Variants in FRAS1 observed in about 807,000 individuals in gnomAD.
FRAS1 encodes the protein extracellular matrix organizing protein FRAS1.
Under a neutral mutation model 435.2 loss-of-function variants are expected in FRAS1, and 290 were observed. The observed-to-expected ratio is 0.67, with a 90% CI of 0.61 to 0.73. The LOEUF (loss-of-function observed/expected upper bound fraction) is 0.73, where lower values mean the gene tolerates loss of function less well. Among genes scored for constraint, FRAS1 ranks in the 30% least tolerant of loss-of-function variants. The pLI is 0.00. For synonymous variants in FRAS1, 1,800 were observed against 1,851.0 expected (o/e 0.97, Z 0.71); for missense variants, 4,860 against 5,001.5 (o/e 0.97, Z 0.85).
At chr4:78,423,393 C>T (rs991124309) in intron 34 of FRAS1, among the ~76,000 whole-genome samples, 1 of 151,978 alleles carries the variant, frequency 6.6e-6, no homozygotes, top group Admixed American at 6.5e-5. Flanking sequence ...TCTTGAACTC[C>T]TGACCTCGTG....
intron 2 of FRAS1, among the ~76,000 whole-genome samples, chr4:78,235,465 A>G (rs1463541267): frequency 6.6e-6 from 1 of 152,188 alleles, no homozygotes; most frequent in African/African-American, 2.4e-5. Flanking sequence ...TAGGACTCCA[A>G]CTACTTGTTG....
At chr4:78,255,214 A>G in intron 5 of FRAS1, 28 bp from the exon 6 acceptor site, 4 of 1,551,364 alleles carry the variant, frequency 2.6e-6, no homozygotes, top group African/African-American at 1.4e-5. Context: ...CCATCCCCCT[A>G]GTAATCCTTG....
intron 59 of FRAS1, among the ~76,000 whole-genome samples, chr4:78,489,983 A>AAAAAAAAAAAAAAAAAC (rs1720298984): frequency 6.7e-6 from 1 of 149,436 alleles, no homozygotes; most frequent in Non-Finnish European, 1.5e-5. Context: ...AAAAAAAAAA[A>AAAAAAAAAAAAAAAAAC]AAAAGAAAAG....
intron 2 of FRAS1, chr4:78,181,548 C>A: frequency 6.2e-7 from 1 of 1,611,596 alleles, no homozygotes; most frequent in East Asian, 2.2e-5. Context: ...CTTCCAAGAC[C>A]ACCACGACCT....
chr4:78,520,921 T>A (rs1721367304), intron 67 of FRAS1, among the ~76,000 whole-genome samples: 1 of 152,206 alleles, frequency 6.6e-6, no homozygotes, highest in Non-Finnish European at 1.5e-5. Context: ...CCTTGAGCTC[T>A]TGTTTTTGTT....
chr4:78,416,004 A>G (rs1733538168), intron 32 of FRAS1, among the ~76,000 whole-genome samples: 1 of 152,214 alleles, frequency 6.6e-6, no homozygotes, highest in Non-Finnish European at 1.5e-5. Flanking sequence ...ATTATTCACA[A>G]TAGCCAAGAT....
intron 2 of FRAS1, among the ~76,000 whole-genome samples, chr4:78,186,794 C>A (rs1722288619): frequency 6.6e-6 from 1 of 152,182 alleles, no homozygotes; most frequent in South Asian, 2.1e-4. Flanking sequence ...CTTAATGGGT[C>A]ATGCTATTGC....
At chr4:78,124,398 C>A (rs1355013943) in intron 2 of FRAS1, among the ~76,000 whole-genome samples, 3 of 152,196 alleles carry the variant, frequency 2.0e-5, no homozygotes, top group African/African-American at 7.2e-5. Context: ...ACAATTTTTG[C>A]ATCGATGTTC....
At chr4:78,186,721 G>T (rs1374924216) in intron 2 of FRAS1, among the ~76,000 whole-genome samples, 1 of 152,110 alleles carries the variant, frequency 6.6e-6, no homozygotes, top group Non-Finnish European at 1.5e-5. Context: ...TTTTCTAGTG[G>T]CAACTAAATA....
intron 72 of FRAS1, among the ~76,000 whole-genome samples, chr4:78,538,734 C>A (rs1218632847): frequency 1.3e-5 from 2 of 152,080 alleles, no homozygotes; most frequent in African/African-American, 4.8e-5. Context: ...GTGGGCGGAT[C>A]ACGAGGTCAG....
At chr4:78,188,398 A>C (rs1426383262) in intron 2 of FRAS1, among the ~76,000 whole-genome samples, 2 of 152,152 alleles carry the variant, frequency 1.3e-5, no homozygotes, top group Non-Finnish European at 2.9e-5. Flanking sequence ...AACTGCAATT[A>C]CTTTTGCATC....
chr4:78,526,821 A>T (rs1212976077), intron 70 of FRAS1, among the ~76,000 whole-genome samples, 164 bp downstream of exon 70: 1 of 152,132 alleles, frequency 6.6e-6, no homozygotes. Flanking sequence ...TAACACACAC[A>T]TCCCCAGCTG....
intron 30 of FRAS1, among the ~76,000 whole-genome samples, chr4:78,405,737 C>T (rs1733073810): frequency 6.6e-6 from 1 of 152,212 alleles, no homozygotes; most frequent in Non-Finnish European, 1.5e-5. Flanking sequence ...TTCTGTCTCT[C>T]TTTCTCTCTC....
intron 2 of FRAS1, among the ~76,000 whole-genome samples, chr4:78,124,104 G>C (rs1451319943): frequency 6.6e-6 from 1 of 152,222 alleles, no homozygotes; most frequent in Non-Finnish European, 1.5e-5. Context: ...GATATTGGCT[G>C]TAGGTTTGTC....
intron 31 of FRAS1, among the ~76,000 whole-genome samples, chr4:78,408,464 T>G (rs1242756269): frequency 6.6e-6 from 1 of 152,146 alleles, no homozygotes; most frequent in Non-Finnish European, 1.5e-5. Context: ...GAAAAGTCTT[T>G]AAAATATAAA....
At chr4:78,309,810 T>C (rs779877322) in intron 15 of FRAS1, among the ~76,000 whole-genome samples, 3 of 152,184 alleles carry the variant, frequency 2.0e-5, no homozygotes, top group Non-Finnish European at 4.4e-5. Flanking sequence ...AAGGTTTGAA[T>C]TGAGTTTACT....
At position 78,363,924 on chromosome 4, in the gene FRAS1, C is replaced by A. The variant is rs766483013; in HGVS notation, c.2592C>A (p.Cys864Ter). The A allele has an allele frequency of 6.2e-7, 1 of 1,610,816 alleles. No homozygotes were observed. ...CCTCTGCAGAATGCCACTCCTCCTG[C>A]AGAACCTGCCAGGGCAGAGGACCTT... ...RGACKKCHSS[C>*]RTCQGRGPFS... Residue 864 changes from cysteine (C) to a stop codon, truncating the protein, a stop_gained, in exon 22 of 74, where the codon TGC (cysteine) becomes TGA (stop). Coordinates refer to ENST00000512123, the MANE Select transcript of FRAS1 (RefSeq NM_025074.7). LOFTEE classifies it high-confidence loss of function.
intron 41 of FRAS1, chr4:78,444,239 G>A (rs1490629505): frequency 4.5e-6 from 2 of 447,964 alleles, no homozygotes; most frequent in Non-Finnish European, 8.9e-6. Context: ...GTAAAAATTG[G>A]AAGGAATTTT....
chr4:78,251,125 T>G (rs1056713049), intron 4 of FRAS1, among the ~76,000 whole-genome samples: 3 of 152,220 alleles, frequency 2.0e-5, no homozygotes, highest in African/African-American at 7.2e-5. Flanking sequence ...CTTTCATGTG[T>G]AGGCCTTTTC....
Sources: gnomAD v4.1 joint callset for allele counts (sites outside exome capture counted in the v4.1 genomes callset) on GRCh38, gnomAD v4.1.1 for gene constraint, MANE v1.5 for transcripts, NCBI Gene and HGNC (gene_info 2026-07-23, HGNC 2026-07-21) for gene names.